Variants in ASPM observed in about 807,000 individuals in gnomAD.
ASPM encodes the protein abnormal spindle-like microcephaly-associated protein.
In ASPM, 256 loss-of-function variants were observed where a neutral mutation model predicts 366.4. The ratio of observed to expected loss-of-function variants is 0.70; its 90% CI spans 0.63 to 0.77. The LOEUF (loss-of-function observed/expected upper bound fraction) is 0.77. Among genes scored for constraint, ASPM ranks in the 30% least tolerant of loss-of-function variants. The pLI is 0.00. For synonymous variants in ASPM, 1,414 were observed against 1,342.9 expected (o/e 1.05, Z -1.16); for missense variants, 4,146 against 4,090.4 (o/e 1.01, Z -0.37).
At chr1:197,118,728 T>TA (rs1376302762) in intron 16 of ASPM, among the ~76,000 whole-genome samples, 4 of 152,176 alleles carry the variant, frequency 2.6e-5, no homozygotes, top group African/African-American at 7.2e-5. Context: ...ATACTACTCT[T>TA]ACGATCACTA....
Position 197,143,814 on chromosome 1 carries a change from C to T in ASPM, c.442-4G>A. The T allele has an allele frequency of 1.2e-6, 2 of 1,610,772 alleles. No individual in the cohort carries two copies. The highest frequency in any genetic ancestry group is 1.7e-6 in the Non-Finnish European group (2 of 1,178,606). Reference sequence around the variant, plus strand: ...TAATGGTATCCCAAAGACTCCTCTGCAAAAATAAGGAAAATATACCAATTA... The same window carrying T: ...TAATGGTATCCCAAAGACTCCTCTGTAAAAATAAGGAAAATATACCAATTA... On this transcript the variant is annotated splice_region_variant and splice_polypyrimidine_tract_variant and intron_variant, in intron 2 of 27. Coordinates refer to ENST00000367409, the MANE Select transcript of ASPM (RefSeq NM_018136.5).
At chr1:197,092,337 T>C (rs184264656) in intron 21 of ASPM, among the ~76,000 whole-genome samples, 16 of 151,908 alleles carry the variant, frequency 1.1e-4, no homozygotes, top group African/African-American at 3.6e-4. Context: ...ACTGCCCTAT[T>C]AGAGAAGGGT....
At chr1:197,099,079 T>A (rs1170878428) in intron 18 of ASPM, among the ~76,000 whole-genome samples, 1 of 151,662 alleles carries the variant, frequency 6.6e-6, no homozygotes, top group African/African-American at 2.4e-5. Flanking sequence ...TCATGCTCTA[T>A]ATAATGCCAA....
chr1:197,086,110 G>C (rs1309591112), intron 27 of ASPM, among the ~76,000 whole-genome samples: 1 of 152,076 alleles, frequency 6.6e-6, no homozygotes, highest in African/African-American at 2.4e-5. Context: ...ACATTATACA[G>C]TTTATAATTA....
chr1:197,091,987 C>T lies in ASPM; in HGVS notation c.9364G>A (p.Val3122Ile), dbSNP rs769093469. 1 of 1,611,786 alleles carries T rather than the reference C, an allele frequency of 6.2e-7. No homozygotes were observed. The change falls in exon 22 of 28, where the codon GTT (valine) becomes ATT (isoleucine). Residue 3122 changes from valine to isoleucine, a missense_variant. This residue lies in a region of ASPM where 3,624 missense variants were observed against 3,591.7 expected (regional missense o/e 1.01). Transcript: ENST00000367409. ...AGTTTATAGGCTCTTTGAATTCTAA[C>T]AGCATTCAGGTGATAATATGCAGCT... is the stretch of plus-strand genomic sequence containing the variant. ...TAAAYYHLNAVRIQRAYKLYL... is the reference protein window; with the variant it reads ...TAAAYYHLNAIRIQRAYKLYL...
chr1:197,104,289 G>A lies in ASPM; in HGVS notation c.4962C>T (p.His1654=), dbSNP rs761763349. 6.8e-6 allele frequency: 11 copies of A among 1,613,060 alleles called. No individual in the cohort carries two copies. Among genetic ancestry groups the A allele is most frequent in the East Asian group, 2.2e-5 (1 of 44,806 alleles). ...RGMQARKMYI[H]ILTSVIKIQS... is the part of the protein sequence containing the mutation. ...GAATCTTTATAACAGATGTGAGGAT[G>A]TGAATATACATTTTCCTGGCTTGCA... The change falls in exon 18 of 28, where the codon CAC becomes CAT. Residue 1654 remains histidine, a synonymous_variant. Transcript: ENST00000367409.
At chr1:197,087,035 C>T (rs1455770560) in intron 26 of ASPM, 63 bp from the exon 27 acceptor site, 1 of 1,404,404 alleles carries the variant, frequency 7.1e-7, no homozygotes, top group Non-Finnish European at 9.7e-7. Flanking sequence ...CTCTTTTAGA[C>T]TAGCAAAATC....
intron 8 of ASPM, 129 bp downstream of exon 8, chr1:197,129,786 G>A (rs1658206742): frequency 1.9e-6 from 2 of 1,040,270 alleles, no homozygotes; most frequent in East Asian, 2.5e-5. Flanking sequence ...GGAAGGGAGA[G>A]TACTAGAAGC....
chr1:197,111,847 A>G (rs1248426877), intron 17 of ASPM, among the ~76,000 whole-genome samples: 1 of 152,148 alleles, frequency 6.6e-6, no homozygotes, highest in Non-Finnish European at 1.5e-5. Context: ...GGCTATTACT[A>G]AAAAGTCAAA....
intron 19 of ASPM, among the ~76,000 whole-genome samples, chr1:197,095,297 C>T (rs763259900): frequency 6.6e-6 from 1 of 151,640 alleles, no homozygotes. Context: ...TATCTTCATG[C>T]GATCAACTGT....
Position 197,090,406 on chromosome 1 carries a change from G to C in ASPM, c.9637-18C>G. 1.9e-6 allele frequency: 3 copies of C among 1,567,030 alleles called. No homozygotes were observed. Among genetic ancestry groups the C allele is most frequent in the South Asian group, 1.1e-5 (1 of 87,546 alleles). ...CATAATGCCTTAAAGAGATAAAACA[G>C]AGTAATTTTAAGATTATAGCCAATG... On this transcript the variant is annotated intron_variant, in intron 23 of 27. Coordinates refer to ENST00000367409, the MANE Select transcript of ASPM (RefSeq NM_018136.5).
In ASPM at chr1:197,091,886, T is replaced by C. The variant is rs774959854; in HGVS notation, c.9444+21A>G. On this transcript the variant is annotated intron_variant, in intron 22 of 27. Coordinates refer to ENST00000367409, the MANE Select transcript of ASPM (RefSeq NM_018136.5). ...ACAGAAAAATTATATCATATAGTTT[T>C]ACTGCAAAGAAGAAGCAAACCTGAA... 8 of 1,606,174 alleles carry C rather than the reference T, an allele frequency of 5.0e-6. No homozygotes were observed. In the South Asian group the frequency reaches 8.8e-5, roughly 18 times the overall value.
At chr1:197,131,221 C>G (rs916182755) in intron 7 of ASPM, among the ~76,000 whole-genome samples, 1 of 152,102 alleles carries the variant, frequency 6.6e-6, no homozygotes, top group Non-Finnish European at 1.5e-5. Context: ...AGATCCTGTT[C>G]GGTCCCAAAG....
intron 18 of ASPM, among the ~76,000 whole-genome samples, chr1:197,099,475 T>A (rs1330881441): frequency 2.6e-5 from 4 of 151,732 alleles, no homozygotes; most frequent in Non-Finnish European, 5.9e-5. Flanking sequence ...TAATTCATAC[T>A]TCAGTGTAAC....
intron 18 of ASPM, 28 bp from the exon 19 acceptor site, chr1:197,096,192 T>C (rs774781918): frequency 6.5e-7 from 1 of 1,535,996 alleles, no homozygotes; most frequent in Admixed American, 1.7e-5. Flanking sequence ...ATAACAAGTA[T>C]GCAATGAGTT....
chr1:197,125,158 G>C lies in ASPM; in HGVS notation c.2970C>G (p.Asp990Glu). 2 of 1,613,930 alleles carry C rather than the reference G, an allele frequency of 1.2e-6. No homozygotes were observed. Among genetic ancestry groups the C allele is most frequent in the Non-Finnish European group, 1.7e-6 (2 of 1,179,920 alleles). ...CCGGAATCCTGAGTTTCTTTGAGAG[G>C]TCCCAGTTCTGTGTGAGAAGTTCCA... ...RTMELLTQNWDLSKKLRIPAI... is the reference protein window; with the variant it reads ...RTMELLTQNWELSKKLRIPAI... Residue 990 changes from aspartate to glutamate, a missense_variant, in exon 11 of 28, where the codon GAC (aspartate) becomes GAG (glutamate). Asp to Glu is a conservative substitution (Grantham distance 45, BLOSUM62 2). Coordinates refer to ENST00000367409, the MANE Select transcript of ASPM (RefSeq NM_018136.5).
At chr1:197,135,007 A>G in intron 5 of ASPM, 89 bp downstream of exon 5, 2 of 944,480 alleles carry the variant, frequency 2.1e-6, no homozygotes, top group Non-Finnish European at 1.6e-6. Flanking sequence ...AATTATAATA[A>G]CTATGTATAA....
chr1:197,108,992 A>C (rs928538573), intron 17 of ASPM, among the ~76,000 whole-genome samples: 1 of 151,064 alleles, frequency 6.6e-6, no homozygotes, highest in Non-Finnish European at 1.5e-5. Flanking sequence ...AAAAAAAAAA[A>C]AGTCCAGAGA....
rs983877871 is a variant in ASPM, at chr1:197,146,504, C to T, written c.-67G>A. 6.4e-7 allele frequency: 1 copy of T among 1,563,298 alleles called. No individual in the cohort carries two copies. Among genetic ancestry groups the T allele is most frequent in the East Asian group, 2.3e-5 (1 of 44,236 alleles). On this transcript the variant is annotated 5_prime_UTR_variant, in exon 1 of 28. Transcript: ENST00000367409. ...CACGAGGCGGCTCCGGAGCGGGGATCCGGGACTTACGCTGACCGCTTCCCC... is the reference window on the plus strand; with the variant it reads ...CACGAGGCGGCTCCGGAGCGGGGATTCGGGACTTACGCTGACCGCTTCCCC...
Sources: gnomAD v4.1 joint callset for allele counts (sites outside exome capture counted in the v4.1 genomes callset) on GRCh38, gnomAD v4.1.1 for gene constraint, gnomAD v4.1.1 regional missense constraint, MANE v1.5 for transcripts, NCBI Gene and HGNC (gene_info 2026-07-23, HGNC 2026-07-21) for gene names.